Variants in DOCK3 observed in about 807,000 individuals in gnomAD.
DOCK3 encodes the protein dedicator of cytokinesis protein 3.
DOCK3 carries 60 observed loss-of-function variants against 265.6 expected under a neutral mutation model. That is an observed-to-expected ratio of 0.23 (90% CI 0.18 to 0.28). The LOEUF is 0.28. Ranked by LOEUF, DOCK3 falls within the 10% of genes least tolerant of loss-of-function variation. DOCK3 has a pLI of 1.00. For synonymous variants in DOCK3, 881 were observed against 938.0 expected, an observed-to-expected ratio of 0.94 and a Z score of 1.11; for missense variants, 1,981 against 2,594.3, an observed-to-expected ratio of 0.76 and a Z score of 5.14.
Position 51,018,464 on chromosome 3 carries a change from A to T in DOCK3, c.316-45984A>T, listed in dbSNP as rs533699827. Among the ~76,000 whole-genome samples the T allele has an allele frequency of 4.0e-3, 562 of 141,230 alleles. 7 individuals are homozygous for T. Among genetic ancestry groups the T allele is most frequent in the Middle Eastern group, 7.2e-3 (2 of 278 alleles). The allele number at this position is 141,230 out of a possible 152,430, so 92.7% of individuals were successfully genotyped here. A position where few individuals can be genotyped will look rare whatever the true frequency, so the allele number is the denominator to read the frequency against. On this transcript the variant is annotated intron_variant, in intron 5 of 52. Coordinates refer to ENST00000266037, the MANE Select transcript of DOCK3 (RefSeq NM_004947.5). ...AAGTTTTTTTTTTTTAAGTAAAATTAAAAAAAAAAAAGAACACCTCATTAT... is the reference window on the plus strand; with the variant it reads ...AAGTTTTTTTTTTTTAAGTAAAATTTAAAAAAAAAAAGAACACCTCATTAT...
chr3:50,956,533 A>G (rs900847455), intron 5 of DOCK3, among the ~76,000 whole-genome samples: 1 of 152,168 alleles, frequency 6.6e-6, no homozygotes, highest in African/African-American at 2.4e-5. Flanking sequence ...ACTTTTGTCA[A>G]TTTCAGTGCT....
intron 19 of DOCK3, among the ~76,000 whole-genome samples, chr3:51,230,761 C>T (rs190771379): frequency 3.7e-4 from 56 of 152,216 alleles, no homozygotes; most frequent in Admixed American, 1.0e-3. Context: ...GTGATCCATC[C>T]GCCTTGGCCT....
chr3:50,889,590 C>G (rs979507903), intron 3 of DOCK3, among the ~76,000 whole-genome samples: 2 of 151,642 alleles, frequency 1.3e-5, no homozygotes, highest in African/African-American at 2.4e-5. Context: ...AATTGATTCA[C>G]TCCTGTGAAT....
At chr3:50,814,843 T>G (rs1388790923) in intron 2 of DOCK3, among the ~76,000 whole-genome samples, 1 of 152,140 alleles carries the variant, frequency 6.6e-6, no homozygotes, top group Non-Finnish European at 1.5e-5. Flanking sequence ...CTTTTTTTTT[T>G]GAGATGGAGT....
rs143077106 is a variant in DOCK3, at chr3:51,382,267, C to T, written c.*708C>T. 1.0e-4 allele frequency: 16 copies of T among 152,596 alleles called. No homozygotes were observed. The highest frequency in any genetic ancestry group is 1.6e-4 in the Non-Finnish European group (11 of 68,144). The allele number at this position is 152,596 out of a possible 1,614,324, so 9.5% of individuals were successfully genotyped here. ...TTCTCTCCATCACATCATTTCTGAC[C>T]ATTTGCTCCCTTCCATTCTTGAAAC... On this transcript the variant is annotated 3_prime_UTR_variant, in exon 53 of 53. Coordinates refer to ENST00000266037, the MANE Select transcript of DOCK3 (RefSeq NM_004947.5).
intron 19 of DOCK3, among the ~76,000 whole-genome samples, chr3:51,230,510 T>C (rs983505309): frequency 1.3e-5 from 2 of 151,940 alleles, no homozygotes; most frequent in African/African-American, 4.8e-5. Context: ...CTTTTTGTTG[T>C]TGTTGTTGTT....
chr3:51,038,790 A>T (rs978404811), intron 5 of DOCK3, among the ~76,000 whole-genome samples: 2 of 151,902 alleles, frequency 1.3e-5, no homozygotes, highest in Non-Finnish European at 2.9e-5. Flanking sequence ...TTATTTGTAT[A>T]TGGCTGTTTT....
At chr3:51,088,960 A>G (rs2082532115) in intron 7 of DOCK3, among the ~76,000 whole-genome samples, 1 of 152,202 alleles carries the variant, frequency 6.6e-6, no homozygotes, top group Non-Finnish European at 1.5e-5. Context: ...ATTTAGTACC[A>G]GGCACCGACT....
intron 1 of DOCK3, among the ~76,000 whole-genome samples, chr3:50,716,263 C>T (rs923112195): frequency 1.3e-5 from 2 of 152,082 alleles, no homozygotes; most frequent in South Asian, 2.1e-4. Context: ...CGTGGTGGCT[C>T]ACACCTGTAA....
At chr3:50,828,864 C>T (rs1021843951) in intron 2 of DOCK3, among the ~76,000 whole-genome samples, 1 of 152,096 alleles carries the variant, frequency 6.6e-6, no homozygotes, top group East Asian at 1.9e-4. Flanking sequence ...CAGGCATGTG[C>T]CACCATGCCC....
intron 24 of DOCK3, among the ~76,000 whole-genome samples, chr3:51,271,884 G>GT (rs397706710): frequency 1.3e-5 from 2 of 150,672 alleles, no homozygotes; most frequent in Non-Finnish European, 3.0e-5. Context: ...CCTGAAAGGG[G>GT]CCCTGAGGAC....
At chr3:50,699,889 AT>A (rs2035923391) in intron 1 of DOCK3, among the ~76,000 whole-genome samples, 1 of 152,166 alleles carries the variant, frequency 6.6e-6, no homozygotes, top group African/African-American at 2.4e-5. Context: ...TACATGTGAT[AT>A]TTTGATACAT....
intron 5 of DOCK3, among the ~76,000 whole-genome samples, chr3:50,956,831 A>G (rs2076743340): frequency 1.3e-5 from 2 of 152,212 alleles, no homozygotes; most frequent in African/African-American, 4.8e-5. Flanking sequence ...AAGATTTAAA[A>G]ATGGAAAAGT....
At chr3:50,886,871 G>A (rs965679768) in intron 3 of DOCK3, among the ~76,000 whole-genome samples, 5 of 152,096 alleles carry the variant, frequency 3.3e-5, no homozygotes, top group African/African-American at 1.2e-4. Context: ...GCAATGTGTA[G>A]TGGGAAATTT....
intron 5 of DOCK3, among the ~76,000 whole-genome samples, chr3:50,959,343 A>C (rs1418376291): frequency 1.3e-5 from 2 of 151,764 alleles, no homozygotes; most frequent in African/African-American, 4.8e-5. Context: ...CTTTTTTTTT[A>C]ATAATGAGAA....
chr3:51,226,166 T>TG (rs1439152707), intron 15 of DOCK3, among the ~76,000 whole-genome samples: 1 of 152,220 alleles, frequency 6.6e-6, no homozygotes, highest in Non-Finnish European at 1.5e-5. Flanking sequence ...TTTGGTCAAG[T>TG]GTGGAACTTA....
chr3:51,285,735 C>A (rs1314249164), intron 27 of DOCK3, among the ~76,000 whole-genome samples: 1 of 151,956 alleles, frequency 6.6e-6, no homozygotes, highest in Non-Finnish European at 1.5e-5. Flanking sequence ...GAGTTTGAGA[C>A]CTATCTGGCC....
At chr3:50,859,654 C>T (rs184929871) in intron 3 of DOCK3, among the ~76,000 whole-genome samples, 1 of 152,214 alleles carries the variant, frequency 6.6e-6, no homozygotes. Flanking sequence ...ATGTTTTCAC[C>T]AAGCTGAGGC....
chr3:50,931,479 A>G (rs910859516), intron 4 of DOCK3, among the ~76,000 whole-genome samples: 12 of 152,240 alleles, frequency 7.9e-5, no homozygotes, highest in African/African-American at 2.7e-4. Flanking sequence ...GATGTGGTAT[A>G]TGGAAATAAC....
Sources: allele counts gnomAD v4.1 joint callset (sites outside exome capture counted in the v4.1 genomes callset), GRCh38; gene constraint gnomAD v4.1.1; transcripts MANE v1.5; gene names NCBI Gene and HGNC (gene_info 2026-07-23, HGNC 2026-07-21).